ATP10A: variants seen among roughly 807,000 people sequenced by gnomAD.
The protein encoded by ATP10A is ATPase phospholipid transporting 10A (putative), also known as phospholipid-transporting ATPase VA.
ATP10A carries 111 observed loss-of-function variants against 147.8 expected under a neutral mutation model. The observed-to-expected ratio is 0.75, with a 90% CI of 0.64 to 0.88. ATP10A has a LOEUF of 0.88. Among genes scored for constraint, ATP10A ranks in the 40% least tolerant of loss-of-function variants. The pLI is 0.00. For synonymous variants in ATP10A, 875 were observed against 841.6 expected, an observed-to-expected ratio of 1.04 and a Z score of -0.69; for missense variants, 1,927 against 1,959.0, an observed-to-expected ratio of 0.98 and a Z score of 0.31.
intron 2 of ATP10A, among the ~76,000 whole-genome samples, chr15:25,765,181 G>C (rs1442118802): frequency 6.6e-6 from 1 of 152,146 alleles, no homozygotes; most frequent in African/African-American, 2.4e-5. Flanking sequence ...GCGGGGCGGG[G>C]GTGTTGTGTC....
intron 1 of ATP10A, among the ~76,000 whole-genome samples, chr15:25,798,407 T>C (rs965499141): frequency 6.6e-6 from 1 of 152,056 alleles, no homozygotes; most frequent in Non-Finnish European, 1.5e-5. Context: ...TGAAGTCCCA[T>C]AGCCACCAGG....
chr15:25,680,909 G>A lies in ATP10A; in HGVS notation c.3579C>T (p.Tyr1193=), dbSNP rs767898259. 4 of 1,614,064 alleles carry A rather than the reference G, an allele frequency of 2.5e-6. No homozygotes were observed. Among genetic ancestry groups the A allele is most frequent in the Admixed American group, 3.3e-5 (2 of 60,012 alleles). ...TAAACAGGTCCACGTTCGAGTCATA[G>A]TAGGCCTGAAAGACAGTGGGGTCCT... ...LVCFSIPYLA[Y]YDSNVDLFTW... Residue 1193 remains tyrosine (Y), a synonymous_variant, in exon 19 of 21, where the codon TAC becomes TAT. Transcript: ENST00000555815.
At position 25,678,747 on chromosome 15, in the gene ATP10A, T is replaced by A. The variant is rs988179324; in HGVS notation, c.*594A>T. ...GAAAGTTGTTTATTGCTTGTTACGA[T>A]TTAACAGGCAAAATACGACACCAGG... is the stretch of plus-strand genomic sequence containing the variant. On this transcript the variant is annotated 3_prime_UTR_variant, in exon 21 of 21. Transcript: ENST00000555815. 1 of 152,212 alleles carries A rather than the reference T, an allele frequency of 6.6e-6. No homozygotes were observed. Among genetic ancestry groups the A allele is most frequent in the African/African-American group, 2.4e-5 (1 of 41,448 alleles). 9.4% of individuals were successfully genotyped at this position (152,212 alleles called of 1,614,324 possible).
At chr15:25,782,377 T>C (rs898735749) in intron 1 of ATP10A, among the ~76,000 whole-genome samples, 1 of 152,264 alleles carries the variant, frequency 6.6e-6, no homozygotes, top group South Asian at 2.1e-4. Flanking sequence ...CTAATGTCAC[T>C]GAATGGTACA....
At position 25,761,663 on chromosome 15, in the gene ATP10A, C is replaced by T. The variant is rs190050016; in HGVS notation, c.654+19356G>A. On this transcript the variant is annotated intron_variant, in intron 2 of 20. Coordinates refer to ENST00000555815, the MANE Select transcript of ATP10A (RefSeq NM_024490.4). ...GGAGCTTTAAGATTTAATGACTGCC[C>T]TATGGATTTTGGACTTGCATGGGGC... 2.0e-4 allele frequency among the ~76,000 whole-genome samples: 30 copies of T among 152,358 alleles called. No homozygotes were observed. The East Asian group carries it at 5.8e-3, about 29-fold the overall frequency.
chr15:25,695,245 TC>T, intron 13 of ATP10A, 99 bp from the exon 14 acceptor site: 1 of 1,215,118 alleles, frequency 8.2e-7, no homozygotes, highest in Non-Finnish European at 1.1e-6. Context: ...CCTTCCGGGC[TC>T]CAGGCTGCAG....
At chr15:25,822,317 CT>C (rs1232612414) in intron 1 of ATP10A, among the ~76,000 whole-genome samples, 1 of 152,130 alleles carries the variant, frequency 6.6e-6, no homozygotes, top group African/African-American at 2.4e-5. Context: ...TTCGGTAGTA[CT>C]TCTGAAAACA....
At chr15:25,748,271 T>C (rs1388736931) in intron 2 of ATP10A, among the ~76,000 whole-genome samples, 1 of 152,136 alleles carries the variant, frequency 6.6e-6, no homozygotes, top group Non-Finnish European at 1.5e-5. Flanking sequence ...TAATAAAACA[T>C]TAGTTTACTA....
chr15:25,716,781 GA>G lies in ATP10A; in HGVS notation c.1724del (p.Leu575ProfsTer19). ...TGACGACGACTGTGTTGCAGATGGTGAGTGCGATGAAGAAATCAAAGACGTC... is the reference window on the plus strand; with the variant it reads ...TGACGACGACTGTGTTGCAGATGGTGGTGCGATGAAGAAATCAAAGACGTC... Reference protein sequence around the residue: ...LSDVFDFFIALTICNTVVVTS... With the variant: ...LSDVFDFFIAXTICNTVVVTS... On this transcript the variant is annotated frameshift_variant, in exon 9 of 21. Transcript: ENST00000555815. LOFTEE classifies it high-confidence loss of function. 1 of 1,608,058 alleles carries G rather than the reference GA, an allele frequency of 6.2e-7. No homozygotes were observed. The highest frequency in any genetic ancestry group is 8.5e-7 in the Non-Finnish European group (1 of 1,177,402).
chr15:25,806,033 T>G (rs1318675046), intron 1 of ATP10A, among the ~76,000 whole-genome samples: 1 of 152,196 alleles, frequency 6.6e-6, no homozygotes, highest in African/African-American at 2.4e-5. Flanking sequence ...TGGTCATGCA[T>G]CAAACAAGTG....
intron 1 of ATP10A, among the ~76,000 whole-genome samples, chr15:25,846,831 T>C (rs1443167147): frequency 6.6e-6 from 1 of 152,178 alleles, no homozygotes; most frequent in African/African-American, 2.4e-5. Flanking sequence ...GTAATTGTGG[T>C]TTATTTTATT....
chr15:25,818,147 A>C (rs1242671194), intron 1 of ATP10A, among the ~76,000 whole-genome samples: 1 of 152,168 alleles, frequency 6.6e-6, no homozygotes, highest in East Asian at 1.9e-4. Flanking sequence ...TAATATATTA[A>C]AAAAACCTAG....
intron 12 of ATP10A, among the ~76,000 whole-genome samples, chr15:25,703,080 G>C (rs1040186692): frequency 6.6e-6 from 1 of 152,200 alleles, no homozygotes; most frequent in Non-Finnish European, 1.5e-5. Context: ...CACTGGGGTC[G>C]GGCGCGGTGG....
chr15:25,800,567 C>A (rs1649854789), intron 1 of ATP10A, among the ~76,000 whole-genome samples: 1 of 152,214 alleles, frequency 6.6e-6, no homozygotes, highest in Non-Finnish European at 1.5e-5. Context: ...CTCCCTGGCA[C>A]TGTTCCACCG....
At chr15:25,681,201 G>T in intron 17 of ATP10A, 127 bp from the exon 18 acceptor site, 1 of 870,074 alleles carries the variant, frequency 1.1e-6, no homozygotes, top group Non-Finnish European at 1.8e-6. Flanking sequence ...CCACCCTGAG[G>T]AGTAGAGCTG....
chr15:25,782,554 G>A (rs369309265), intron 1 of ATP10A, among the ~76,000 whole-genome samples: 2 of 152,276 alleles, frequency 1.3e-5, no homozygotes, highest in East Asian at 1.9e-4. Flanking sequence ...CAGCAGGTAA[G>A]GGAGATACTT....
At chr15:25,810,013 C>CAA (rs56870055) in intron 1 of ATP10A, among the ~76,000 whole-genome samples, 13,172 of 139,168 alleles carry the variant, frequency 0.095, 690 homozygotes, top group East Asian at 0.25. Context: ...AAGGTCATTA[C>CAA]AAAAAAAAAA....
At position 25,863,026 on chromosome 15, in the gene ATP10A, G is replaced by C; in HGVS notation, c.71C>G (p.Thr24Arg). 7.7e-7 allele frequency: 1 copy of C among 1,297,308 alleles called. No individual in the cohort carries two copies. Among genetic ancestry groups the C allele is most frequent in the South Asian group, 2.5e-5 (1 of 40,422 alleles). 80.4% of individuals were successfully genotyped at this position (1,297,308 alleles called of 1,614,324 possible). A position where few individuals can be genotyped will look rare whatever the true frequency, so the allele number is the denominator to read the frequency against. ...CAGCAGGTTGGAGCGCACCGTGCGC[G>C]TCCTGCCCTCTCGGCGCCTCCGCCG... is the stretch of plus-strand genomic sequence containing the variant. ...PGRRRRREGRTRTVRSNLLPP... is the reference protein window; with the variant it reads ...PGRRRRREGRRRTVRSNLLPP... The change falls in exon 1 of 21, where the codon ACG (threonine) becomes AGG (arginine). Residue 24 changes from threonine to arginine, a missense_variant. Transcript: ENST00000555815.
chr15:25,675,127 A>T (rs1899110914), downstream of ATP10A, among the ~76,000 whole-genome samples: 1 of 152,136 alleles, frequency 6.6e-6, no homozygotes, highest in South Asian at 2.1e-4. Context: ...GCAAAGTTGG[A>T]GGCACATCGT....
Sources: gnomAD v4.1 joint callset for allele counts (sites outside exome capture counted in the v4.1 genomes callset) on GRCh38, gnomAD v4.1.1 for gene constraint, MANE v1.5 for transcripts, NCBI Gene and HGNC (gene_info 2026-07-23, HGNC 2026-07-21) for gene names.